Variants in AVIL observed in about 807,000 individuals in gnomAD.
The protein encoded by AVIL is advillin.
AVIL carries 78 observed loss-of-function variants against 109.9 expected under a neutral mutation model. The observed-to-expected ratio is 0.71, with a 90% CI of 0.59 to 0.86. The LOEUF is 0.86. AVIL is among the 40% of genes least tolerant of loss of function. The pLI, the probability that AVIL is intolerant of heterozygous loss-of-function variation, is 0.00. For missense variants in AVIL, 892 were observed against 1,016.5 expected (o/e 0.88, Z 1.67); for synonymous variants, 367 against 379.1 (o/e 0.97, Z 0.37).
rs367636607 is a variant in AVIL, at chr12:57,806,398, G to A, written c.1633C>T (p.Leu545=). 33 of 1,614,116 alleles carry A rather than the reference G, an allele frequency of 2.0e-5. No individual in the cohort carries two copies. The African/African-American group carries it at 3.2e-4, about 16-fold the overall frequency. Residue 545 remains leucine (L), a synonymous_variant, in exon 14 of 20, where the codon CTG becomes TTG. Coordinates refer to ENST00000549994, the MANE Select transcript of AVIL (RefSeq NM_006576.4). The part of the protein sequence containing the change: ...SSLNSNDVFL[L]RTQAEHYLWY... ...AGGTAGTGCTCTGCCTGAGTTCGCA[G>A]CAGAAAGACATCATTGGAGTTTAGG...
rs1195548670 is a variant in AVIL, at chr12:57,803,345, A to G, written c.1864T>C (p.Ser622Pro). Residue 622 changes from serine (S) to proline (P), a missense_variant, in exon 16 of 20, where the codon TCC (serine) becomes CCC (proline). Physicochemically the swap from Ser to Pro is moderately conservative, Grantham distance 74 (BLOSUM62 -1). Transcript: ENST00000549994. The part of the protein sequence containing the change: ...LDVQSRLFEC[S>P]NKTGQFVVTE... ...ACAACGAATTGGCCGGTCTTATTGG[A>G]ACATTCAAAGAGACGAGACTGGACA... 6.2e-7 allele frequency: 1 copy of G among 1,614,220 alleles called. No homozygotes were observed. Among genetic ancestry groups the G allele is most frequent in the East Asian group, 2.2e-5 (1 of 44,892 alleles).
In AVIL at chr12:57,809,862, C is replaced by G. The variant is rs778898091; in HGVS notation, c.790G>C (p.Val264Leu). 20 of 1,614,120 alleles carry G rather than the reference C, an allele frequency of 1.2e-5. No homozygotes were observed. Among genetic ancestry groups the G allele is most frequent in the Non-Finnish European group, 1.5e-5 (18 of 1,180,052 alleles). ...HISDSAGQLAVTEVATRPLVQ... is the reference protein window; with the variant it reads ...HISDSAGQLALTEVATRPLVQ... The stretch of plus-strand genomic sequence containing the variant: ...AGAGGCCTTGTTGCTACCTCTGTGA[C>G]TGCCAGCTGCCCAGCTGAATCTGAG... The change falls in exon 8 of 20, where the codon GTC (valine) becomes CTC (leucine). Residue 264 changes from valine to leucine, a missense_variant. Val to Leu is a conservative substitution (Grantham distance 32). Transcript: ENST00000549994.
Position 57,802,184 on chromosome 12 carries a change from TAGGAACCAGCCTGTG to T in AVIL, c.2112_2126del (p.Phe704_Phe708del). ...CACTCCAAATGTTAGGGTCCCAGGC[TAGGAACCAGCCTGTG>T]AAGATGGGAGGCTCAAACCCCTGCT... On this transcript the variant is annotated inframe_deletion, in exon 17 of 20. Transcript: ENST00000549994. 6.2e-7 allele frequency: 1 copy of T among 1,613,978 alleles called. No homozygotes were observed. Among genetic ancestry groups the T allele is most frequent in the Non-Finnish European group, 8.5e-7 (1 of 1,179,874 alleles).
Position 57,797,656 on chromosome 12 carries a change from T to C in AVIL, c.*226A>G. The C allele has an allele frequency of 1.2e-6, 1 of 828,172 alleles. No homozygotes were observed. Among genetic ancestry groups the C allele is most frequent in the Non-Finnish European group, 1.5e-6 (1 of 657,844 alleles). The allele number at this position is 828,172 out of a possible 1,614,324, so 51.3% of individuals were successfully genotyped here. On this transcript the variant is annotated 3_prime_UTR_variant, in exon 20 of 20. Coordinates refer to ENST00000549994, the MANE Select transcript of AVIL (RefSeq NM_006576.4). ...TAGTGCTTTCTGCTGAGGCTTTAGC[T>C]AGAGGGCCACAAAACCCAAAAACTA...
intron 17 of AVIL, chr12:57,801,439 T>G (rs921425432): frequency 3.7e-5 from 14 of 376,172 alleles, no homozygotes; most frequent in Non-Finnish European, 5.4e-5. Flanking sequence ...CCAATAAGAT[T>G]TAAGAAAGAG....
intron 2 of AVIL, 73 bp downstream of exon 2, chr12:57,815,902 C>G: frequency 6.2e-7 from 1 of 1,607,074 alleles, no homozygotes; most frequent in Non-Finnish European, 8.5e-7. Flanking sequence ...GGGCTGTTGC[C>G]TAGCAGCCCC....
At chr12:57,812,011 G>C (rs1217378273) in intron 4 of AVIL, among the ~76,000 whole-genome samples, 1 of 151,044 alleles carries the variant, frequency 6.6e-6, no homozygotes, top group Non-Finnish European at 1.5e-5. Flanking sequence ...TTTTTTTAAA[G>C]ACAGGGTCTC....
Position 57,801,013 on chromosome 12 carries a change from T to C in AVIL, c.2220+131A>G, listed in dbSNP as rs1192721699. The C allele has an allele frequency of 7.8e-5, 52 of 662,984 alleles. 1 individual carries two copies. In the East Asian group the frequency reaches 1.4e-3, roughly 18 times the overall value. The allele number at this position is 662,984 out of a possible 1,614,324, so 41.1% of individuals were successfully genotyped here. ...CTTTTCTATTGATTACAAAAAGTCT[T>C]TACATCAAAACAGACAACTATGGTA... On this transcript the variant is annotated intron_variant, in intron 18 of 19. Transcript: ENST00000549994.
intron 16 of AVIL, chr12:57,802,803 T>C (rs1037308662): frequency 1.9e-5 from 11 of 571,606 alleles, no homozygotes; most frequent in Non-Finnish European, 3.4e-5. Flanking sequence ...TGACCAACTT[T>C]ACCTCCTAAG....
intron 19 of AVIL, 123 bp downstream of exon 19, chr12:57,799,672 G>A: frequency 7.2e-7 from 1 of 1,395,086 alleles, no homozygotes; most frequent in Non-Finnish European, 9.7e-7. Flanking sequence ...GAGTTCCTAG[G>A]TAGCTCAGAT....
At chr12:57,815,490 G>T in intron 2 of AVIL, 1 of 1,004,518 alleles carries the variant, frequency 1.0e-6, no homozygotes, top group South Asian at 1.7e-5. Flanking sequence ...CCCAGCTATG[G>T]ATTGCTGGAG....
chr12:57,807,912 G>A, intron 11 of AVIL, 185 bp from the exon 12 acceptor site: 1 of 922,456 alleles, frequency 1.1e-6, no homozygotes, highest in Non-Finnish European at 1.7e-6. Context: ...AGATGAACTG[G>A]GCCATCCTGT....
intron 9 of AVIL, 83 bp downstream of exon 9, chr12:57,809,514 C>T: frequency 1.3e-6 from 2 of 1,484,148 alleles, no homozygotes; most frequent in South Asian, 2.3e-5. Context: ...TGCTCAAATA[C>T]CTAGCATGGC....
chr12:57,805,219 C>T (rs1311424322), intron 14 of AVIL, among the ~76,000 whole-genome samples: 1 of 151,794 alleles, frequency 6.6e-6, no homozygotes, highest in Non-Finnish European at 1.5e-5. Flanking sequence ...CCATGCCCAG[C>T]TAATTTTTTG....
intron 6 of AVIL, 33 bp downstream of exon 6, chr12:57,810,783 A>C (rs747832938): frequency 2.5e-6 from 4 of 1,597,696 alleles, no homozygotes; most frequent in Admixed American, 3.3e-5. Flanking sequence ...AGAAAGAGGA[A>C]CTTGAGAAAG....
Position 57,808,211 on chromosome 12 carries a change from C to T in AVIL, c.1177G>A (p.Gly393Ser), listed in dbSNP as rs372446764. ...GGGCTTACCTCAACTTTTCCGTTGC[C>T]ATCATCGACCATTCTTTCCTGGGCA... ...VAAQERMVDDGNGKVEVWRIE... is the reference protein window; with the variant it reads ...VAAQERMVDDSNGKVEVWRIE... Residue 393 changes from glycine to serine, a missense_variant, in exon 11 of 20, where the codon GGC becomes AGC. Gly to Ser is a moderately conservative substitution (Grantham distance 56, BLOSUM62 0). Coordinates refer to ENST00000549994, the MANE Select transcript of AVIL (RefSeq NM_006576.4). 11 of 1,614,058 alleles carry T rather than the reference C, an allele frequency of 6.8e-6. No homozygotes were observed. The highest frequency in any genetic ancestry group is 6.7e-5 in the African/African-American group (5 of 74,930).
chr12:57,804,138 C>G (rs1299848266), intron 14 of AVIL: 1 of 154,544 alleles, frequency 6.5e-6, no homozygotes, highest in East Asian at 1.9e-4. Flanking sequence ...GAGTCAAAGC[C>G]TCCCTGAATC....
At chr12:57,806,609 T>C (rs1052236272) in intron 13 of AVIL, 70 bp from the exon 14 acceptor site, 2 of 1,539,174 alleles carry the variant, frequency 1.3e-6, no homozygotes, top group African/African-American at 1.4e-5. Flanking sequence ...GGAGCTGTTG[T>C]GGGAAACGTG....
chr12:57,799,678 C>T, intron 19 of AVIL, 117 bp downstream of exon 19: 1 of 1,440,224 alleles, frequency 6.9e-7, no homozygotes, highest in East Asian at 2.3e-5. Context: ...CTAGGTAGCT[C>T]AGATGTCCAT....
Sources: allele counts gnomAD v4.1 joint callset (sites outside exome capture counted in the v4.1 genomes callset), GRCh38; gene constraint gnomAD v4.1.1; transcripts MANE v1.5; gene names NCBI Gene and HGNC (gene_info 2026-07-23, HGNC 2026-07-21).